GABRB1: variants seen among roughly 807,000 people sequenced by gnomAD.
GABRB1 encodes gamma-aminobutyric acid receptor subunit beta-1.
Under a neutral mutation model 51.6 loss-of-function variants are expected in GABRB1, and 17 were observed. That is an observed-to-expected ratio of 0.33 (90% CI 0.23 to 0.49). GABRB1 has a LOEUF of 0.49. GABRB1 is among the 20% of genes least tolerant of loss of function. The probability of loss-of-function intolerance (pLI) is 0.99; values close to 1 mark genes in which losing one functional copy is unlikely to be tolerated. For synonymous variants in GABRB1, 247 were observed against 218.9 expected, an observed-to-expected ratio of 1.13 and a Z score of -1.14; for missense variants, 410 against 600.6, an observed-to-expected ratio of 0.68 and a Z score of 3.32.
At chr4:47,344,721 T>TTGTTTTA (rs1210060867) in intron 5 of GABRB1, among the ~76,000 whole-genome samples, 9 of 149,962 alleles carry the variant, frequency 6.0e-5, no homozygotes. Flanking sequence ...GTGTGTTTTT[T>TTGTTTTA]TGTTTTTTGT....
At chr4:47,314,450 C>T (rs1381024371) in intron 4 of GABRB1, among the ~76,000 whole-genome samples, 1 of 151,948 alleles carries the variant, frequency 6.6e-6, no homozygotes, top group Non-Finnish European at 1.5e-5. Context: ...TATTTCAATG[C>T]ATGTCCTGAT....
intron 5 of GABRB1, among the ~76,000 whole-genome samples, chr4:47,341,147 C>A (rs1725879129): frequency 6.6e-6 from 1 of 152,130 alleles, no homozygotes; most frequent in African/African-American, 2.4e-5. Flanking sequence ...ATGAAATTTG[C>A]ATTTTGGGGA....
chr4:47,278,666 G>C (rs902832076), intron 4 of GABRB1, among the ~76,000 whole-genome samples: 3 of 152,096 alleles, frequency 2.0e-5, no homozygotes, highest in African/African-American at 7.2e-5. Flanking sequence ...GACACCTGCT[G>C]ATCATACGTT....
intron 3 of GABRB1, among the ~76,000 whole-genome samples, chr4:47,061,789 G>T (rs1242826875): frequency 6.6e-6 from 1 of 152,126 alleles, no homozygotes; most frequent in Non-Finnish European, 1.5e-5. Flanking sequence ...TCCTCAAAAT[G>T]CTCATCACTG....
At chr4:47,245,239 T>A (rs1225405331) in intron 4 of GABRB1, among the ~76,000 whole-genome samples, 1 of 152,162 alleles carries the variant, frequency 6.6e-6, no homozygotes, top group Admixed American at 6.6e-5. Context: ...GTTTTTTTCC[T>A]GCATCCAATA....
intron 3 of GABRB1, among the ~76,000 whole-genome samples, chr4:47,069,787 A>G (rs753475761): frequency 4.6e-5 from 7 of 151,690 alleles, no homozygotes; most frequent in African/African-American, 7.3e-5. Context: ...ATATAGTCCT[A>G]TTTCTCTTTA....
chr4:47,105,701 C>A (rs953627584), intron 3 of GABRB1, among the ~76,000 whole-genome samples: 1 of 152,046 alleles, frequency 6.6e-6, no homozygotes, highest in Non-Finnish European at 1.5e-5. Flanking sequence ...AAGAAACATC[C>A]GAGTGAGCCT....
At chr4:47,193,906 G>A (rs1032015900) in intron 4 of GABRB1, among the ~76,000 whole-genome samples, 2 of 152,076 alleles carry the variant, frequency 1.3e-5, no homozygotes, top group African/African-American at 4.8e-5. Context: ...CAATTTTTAT[G>A]ACCGAGAAAA....
chr4:47,172,715 C>T (rs532679676), intron 4 of GABRB1, among the ~76,000 whole-genome samples: 21 of 125,646 alleles, frequency 1.7e-4, no homozygotes, highest in Non-Finnish European at 2.5e-4. Flanking sequence ...GGTCTCAACT[C>T]GAAGCAACCT....
intron 3 of GABRB1, among the ~76,000 whole-genome samples, chr4:47,041,310 T>C (rs571883982): frequency 6.6e-6 from 1 of 152,236 alleles, no homozygotes; most frequent in South Asian, 2.1e-4. Flanking sequence ...CCTCTACAAG[T>C]TGGTCTCCTG....
chr4:47,292,805 G>A (rs187949943), intron 4 of GABRB1, among the ~76,000 whole-genome samples: 72 of 152,302 alleles, frequency 4.7e-4, no homozygotes, highest in African/African-American at 1.3e-3. Flanking sequence ...GGACAAGAAA[G>A]GGTAAGAGAC....
chr4:47,213,628 GT>G (rs1406760834), intron 4 of GABRB1, among the ~76,000 whole-genome samples: 1 of 151,916 alleles, frequency 6.6e-6, no homozygotes, highest in Non-Finnish European at 1.5e-5. Flanking sequence ...CAGCTGGGGG[GT>G]TTTCTTTCTT....
At chr4:47,054,257 G>A (rs993033206) in intron 3 of GABRB1, among the ~76,000 whole-genome samples, 29 of 152,034 alleles carry the variant, frequency 1.9e-4, no homozygotes, top group African/African-American at 6.8e-4. Context: ...AAGAGAGAAG[G>A]GAGACCAGGA....
intron 5 of GABRB1, among the ~76,000 whole-genome samples, chr4:47,401,823 GCTAT>G (rs940052572): frequency 6.5e-4 from 24 of 36,986 alleles, no homozygotes; most frequent in Non-Finnish European, 7.0e-4. Context: ...TATCTATCTA[GCTAT>G]CTATCTATCT....
chr4:47,036,869 AG>A (rs199781653), intron 3 of GABRB1, among the ~76,000 whole-genome samples: 2,005 of 151,624 alleles, frequency 0.013, 34 homozygotes, highest in African/African-American at 0.046. Flanking sequence ...TTAAAAAAAA[AG>A]AAAAAAAGAA....
chr4:47,102,416 T>C (rs1388796952), intron 3 of GABRB1, among the ~76,000 whole-genome samples: 1 of 151,806 alleles, frequency 6.6e-6, no homozygotes, highest in East Asian at 1.9e-4. Context: ...TGTTGTGGAG[T>C]TGAACAAGTA....
In GABRB1 at chr4:47,000,729, G is replaced by A. The variant is rs546652878; in HGVS notation, c.-20+6803G>A. Among the ~76,000 whole-genome samples, 9 of 152,252 alleles carry A rather than the reference G, an allele frequency of 5.9e-5. No individual in the cohort carries two copies. The South Asian group carries it at 1.7e-3, about 28-fold the overall frequency. The stretch of plus-strand genomic sequence containing the variant: ...CCACCTCCCCCATCTTACTTACTTA[G>A]CCAGCTTGGATTTCCACATAACATG... On this transcript the variant is annotated intron_variant, in intron 1 of 3. Transcript: ENST00000513567.
At chr4:47,221,881 C>T (rs760471727) in intron 4 of GABRB1, among the ~76,000 whole-genome samples, 2 of 151,986 alleles carry the variant, frequency 1.3e-5, no homozygotes, top group African/African-American at 2.4e-5. Context: ...ACATAGAACT[C>T]CTGGCCAACA....
intron 3 of GABRB1, among the ~76,000 whole-genome samples, chr4:47,087,736 A>G (rs1370353266): frequency 2.6e-5 from 4 of 152,202 alleles, no homozygotes; most frequent in Non-Finnish European, 5.9e-5. Flanking sequence ...ATGAATCAGA[A>G]TTCAAATCCT....
Sources: allele counts gnomAD v4.1 joint callset (sites outside exome capture counted in the v4.1 genomes callset), GRCh38; gene constraint gnomAD v4.1.1; transcripts MANE v1.5; gene names NCBI Gene and HGNC (gene_info 2026-07-23, HGNC 2026-07-21).